The following MLIP variants were observed in gnomAD, a reference collection of about 807,000 sequenced individuals.
The protein encoded by MLIP is muscular LMNA interacting protein.
A neutral mutation model predicts 84.8 loss-of-function variants in MLIP; 79 were observed. The ratio of observed to expected loss-of-function variants is 0.93; its 90% CI spans 0.78 to 1.12. The LOEUF (loss-of-function observed/expected upper bound fraction) is 1.12. Among genes scored for constraint, MLIP ranks in the 50% most tolerant of loss-of-function variants. The probability of loss-of-function intolerance (pLI) is 0.00; values close to 1 mark genes in which losing one functional copy is unlikely to be tolerated. For missense variants in MLIP, 1,257 were observed against 1,160.6 expected, an observed-to-expected ratio of 1.08 and a Z score of -1.21; for synonymous variants, 504 against 463.0, an observed-to-expected ratio of 1.09 and a Z score of -1.14.
chr6:54,191,267 T>C (rs1024178758), intron 10 of MLIP, among the ~76,000 whole-genome samples: 37 of 152,288 alleles, frequency 2.4e-4, no homozygotes, highest in Non-Finnish European at 4.1e-4. Flanking sequence ...CAACAAATCA[T>C]CTTGTCATTA....
chr6:54,055,397 C>T (rs1331420106), intron 1 of MLIP, among the ~76,000 whole-genome samples: 1 of 152,142 alleles, frequency 6.6e-6, no homozygotes, highest in Non-Finnish European at 1.5e-5. Flanking sequence ...AGAAATTTTA[C>T]ATGCTAGTAA....
At chr6:54,237,488 C>CAT (rs1175886350) in intron 12 of MLIP, among the ~76,000 whole-genome samples, 3 of 151,810 alleles carry the variant, frequency 2.0e-5, no homozygotes, top group African/African-American at 7.3e-5. Context: ...AACATATATA[C>CAT]ATATATATTC....
At chr6:54,029,030 C>T (rs968846493) in intron 1 of MLIP, 3 of 152,126 alleles carry the variant, frequency 2.0e-5, no homozygotes, top group African/African-American at 7.2e-5. Flanking sequence ...TTCCTTTACT[C>T]TCATTTTAAT....
Position 54,137,700 on chromosome 6 carries a change from C to A in MLIP, c.1631C>A (p.Thr544Lys). The part of the protein sequence containing the change: ...NTMLSLLQTS[T>K]SSSVGLPPVP... ...ATGCTCTCCCTGCTACAAACCAGTA[C>A]ATCCAGTTCTGTGGGTCTTCCTCCT... The change falls in exon 4 of 14, where the codon ACA (threonine) becomes AAA (lysine). Residue 544 changes from threonine to lysine, a missense_variant. Transcript: ENST00000502396. The A allele has an allele frequency of 6.5e-7, 1 of 1,536,104 alleles. No individual in the cohort carries two copies. The highest frequency in any genetic ancestry group is 8.7e-7 in the Non-Finnish European group (1 of 1,146,892).
At chr6:54,230,079 T>C (rs1250707554) in intron 11 of MLIP, among the ~76,000 whole-genome samples, 1 of 152,198 alleles carries the variant, frequency 6.6e-6, no homozygotes, top group African/African-American at 2.4e-5. Context: ...CCTCCTTTCT[T>C]TGCAGTTGCA....
At chr6:54,215,318 T>G (rs1779780708) in intron 11 of MLIP, 2 of 1,376,584 alleles carry the variant, frequency 1.5e-6, no homozygotes, top group Non-Finnish European at 1.9e-6. Flanking sequence ...GCTCTTGTGA[T>G]TTTTGAAAAA....
chr6:54,022,402 T>C lies in MLIP; in HGVS notation c.63+3311T>C, dbSNP rs796082908. Among the ~76,000 whole-genome samples, 51 of 152,348 alleles carry C rather than the reference T, an allele frequency of 3.3e-4. 1 individual carries two copies. The highest frequency in any genetic ancestry group is 1.2e-3 in the African/African-American group (50 of 41,584). ...CTGCAACATATCTTAGGAAATGACC[T>C]GTTAGCATATGAATTTGTAGTCTGA... On this transcript the variant is annotated intron_variant, in intron 1 of 12. Transcript: ENST00000274897.
chr6:54,258,107 A>AT (rs1783135089), intron 13 of MLIP, among the ~76,000 whole-genome samples: 3 of 152,074 alleles, frequency 2.0e-5, no homozygotes, highest in Admixed American at 2.0e-4. Context: ...AAAAAAAGTG[A>AT]TTTTAAAAAA....
In MLIP at chr6:54,155,021, C is replaced by A. The variant is rs567864779; in HGVS notation, c.2290-5346C>A. Among the ~76,000 whole-genome samples, 5 of 152,244 alleles carry A rather than the reference C, an allele frequency of 3.3e-5. No individual in the cohort carries two copies. The South Asian group carries it at 1.0e-3, about 32-fold the overall frequency. ...TGGAATGGTTTGCAAAAACTCCCTT[C>A]TCTGTGGGAGGAACAAACATTTAAC... On this transcript the variant is annotated intron_variant, in intron 5 of 13. Transcript: ENST00000502396.
At chr6:54,127,973 G>A (rs921396017) in intron 3 of MLIP, among the ~76,000 whole-genome samples, 5 of 152,248 alleles carry the variant, frequency 3.3e-5, no homozygotes, top group East Asian at 1.9e-4. Flanking sequence ...ACAGTGATTC[G>A]TCTGAAAGAC....
At chr6:54,170,095 G>C (rs913303872) in intron 9 of MLIP, among the ~76,000 whole-genome samples, 3 of 151,534 alleles carry the variant, frequency 2.0e-5, no homozygotes, top group African/African-American at 7.3e-5. Context: ...TGAGTAGCTG[G>C]CTCTGAGTGT....
chr6:54,109,924 TCTTC>T (rs765528200), upstream of MLIP, among the ~76,000 whole-genome samples: 980 of 65,878 alleles, frequency 0.015, 16 homozygotes, highest in African/African-American at 0.04. Flanking sequence ...TTTCTTTCTT[TCTTC>T]CTTCCTTCCT....
chr6:54,103,741 A>T (rs1582147837), intron 1 of MLIP, among the ~76,000 whole-genome samples: 1 of 152,314 alleles, frequency 6.6e-6, no homozygotes, highest in African/African-American at 2.4e-5. Flanking sequence ...AAGCACTAAG[A>T]TTAAATATGA....
intron 1 of MLIP, among the ~76,000 whole-genome samples, chr6:54,062,183 A>T (rs1162023505): frequency 6.6e-6 from 1 of 152,196 alleles, no homozygotes; most frequent in African/African-American, 2.4e-5. Flanking sequence ...CTATATTAAC[A>T]GTATGTTTTT....
intron 1 of MLIP, among the ~76,000 whole-genome samples, chr6:54,035,591 T>C (rs925759502): frequency 6.6e-6 from 1 of 152,134 alleles, no homozygotes; most frequent in Non-Finnish European, 1.5e-5. Flanking sequence ...ATCAGCAATG[T>C]ATGAGTGTCA....
chr6:54,153,950 G>A (rs2145756), intron 5 of MLIP, among the ~76,000 whole-genome samples: 1 of 151,522 alleles, frequency 6.6e-6, no homozygotes, highest in African/African-American at 2.4e-5. Context: ...GCTTAATTTA[G>A]ATTCTAGTGC....
At chr6:54,076,410 G>T (rs964366228) in intron 1 of MLIP, among the ~76,000 whole-genome samples, 1 of 152,184 alleles carries the variant, frequency 6.6e-6, no homozygotes. Flanking sequence ...GTCTCATTTG[G>T]TATCTTCACT....
At chr6:54,089,592 T>C (rs1767726198) in intron 1 of MLIP, among the ~76,000 whole-genome samples, 2 of 152,130 alleles carry the variant, frequency 1.3e-5, no homozygotes, top group Admixed American at 1.3e-4. Context: ...AGAATGCTTA[T>C]ACCTGACCCT....
chr6:54,172,304 T>A (rs961908346), intron 9 of MLIP, among the ~76,000 whole-genome samples: 1 of 151,650 alleles, frequency 6.6e-6, no homozygotes, highest in Non-Finnish European at 1.5e-5. Context: ...ATCAAGACTA[T>A]ACTAGTCACT....
Sources: gnomAD v4.1 joint callset for allele counts (sites outside exome capture counted in the v4.1 genomes callset) on GRCh38, gnomAD v4.1.1 for gene constraint, MANE v1.5 for transcripts, NCBI Gene and HGNC (gene_info 2026-07-23, HGNC 2026-07-21) for gene names.